Variants in LINGO1 observed in about 807,000 individuals in gnomAD.
LINGO1 encodes the protein leucine-rich repeat and immunoglobulin-like domain-containing nogo receptor-interacting protein 1.
Under a neutral mutation model 37.3 loss-of-function variants are expected in LINGO1, and 11 were observed. The ratio of observed to expected loss-of-function variants is 0.29; its 90% CI spans 0.19 to 0.49. The LOEUF (loss-of-function observed/expected upper bound fraction) is 0.49. Ranked by LOEUF, LINGO1 falls within the 20% of genes least tolerant of loss-of-function variation. The pLI, the probability that LINGO1 is intolerant of heterozygous loss-of-function variation, is 0.99. For missense variants in LINGO1, 585 were observed against 878.2 expected, an observed-to-expected ratio of 0.67 and a Z score of 4.22; for synonymous variants, 387 against 403.0, an observed-to-expected ratio of 0.96 and a Z score of 0.48.
intron 2 of LINGO1, among the ~76,000 whole-genome samples, chr15:77,689,803 C>T (rs2075572077): frequency 6.6e-6 from 1 of 152,170 alleles, no homozygotes; most frequent in African/African-American, 2.4e-5. Context: ...CAACAATACA[C>T]CCTTCTAAGT....
chr15:77,677,796 G>A (rs1295877599), intron 2 of LINGO1, among the ~76,000 whole-genome samples: 1 of 152,040 alleles, frequency 6.6e-6, no homozygotes, highest in African/African-American at 2.4e-5. Context: ...ATGGCCACAG[G>A]TGCTGTCTCC....
At chr15:77,740,012 G>A (rs1410931346) in intron 1 of LINGO1, among the ~76,000 whole-genome samples, 1 of 152,254 alleles carries the variant, frequency 6.6e-6, no homozygotes, top group Non-Finnish European at 1.5e-5. Flanking sequence ...GGGACCTAGG[G>A]GATCACCAAA....
intron 1 of LINGO1, among the ~76,000 whole-genome samples, chr15:77,765,181 G>A (rs1222528435): frequency 2.0e-5 from 3 of 152,246 alleles, no homozygotes; most frequent in Admixed American, 6.5e-5. Context: ...TTGGGAGGCC[G>A]AGGGGTGCAG....
At chr15:77,651,391 G>A (rs1022910954) in intron 3 of LINGO1, 2 of 152,186 alleles carry the variant, frequency 1.3e-5, no homozygotes, top group African/African-American at 4.8e-5. Context: ...ATAACAAATG[G>A]CGAAGTCAGT....
intron 2 of LINGO1, among the ~76,000 whole-genome samples, chr15:77,678,841 T>G (rs1393685371): frequency 2.0e-5 from 3 of 152,218 alleles, no homozygotes; most frequent in African/African-American, 2.4e-5. Context: ...TTAGACATTT[T>G]CAAAGTCAGT....
chr15:77,640,983 C>T (rs904808955), intron 3 of LINGO1, among the ~76,000 whole-genome samples: 1 of 152,206 alleles, frequency 6.6e-6, no homozygotes, highest in African/African-American at 2.4e-5. Flanking sequence ...GCTGCACACA[C>T]ACAGCAGGCA....
chr15:77,691,309 G>A (rs1287060542), intron 1 of LINGO1, among the ~76,000 whole-genome samples: 1 of 152,194 alleles, frequency 6.6e-6, no homozygotes, highest in African/African-American at 2.4e-5. Context: ...GAGAGGAGAA[G>A]GGATTTGCCC....
intron 1 of LINGO1, among the ~76,000 whole-genome samples, chr15:77,782,909 C>G (rs540838634): frequency 9.2e-5 from 14 of 152,140 alleles, no homozygotes; most frequent in Non-Finnish European, 1.5e-4. Context: ...TCCAGAGCAC[C>G]CCCCTGCTCC....
Position 77,807,024 on chromosome 15 carries a change from C to T in LINGO1, c.-457-10971G>A, listed in dbSNP as rs144109724. Among the ~76,000 whole-genome samples, 42 of 152,340 alleles carry T rather than the reference C, an allele frequency of 2.8e-4. No individual in the cohort carries two copies. In the East Asian group the frequency reaches 6.9e-3, roughly 25 times the overall value. ...TAGCTCAGGCCCATCTGGGCAGCCT[C>T]GGCTCCAGCCACACCCAGCTTCTCA... On this transcript the variant is annotated intron_variant, in intron 1 of 5. Coordinates refer to the LINGO1 transcript ENST00000562933.
chr15:77,693,875 C>A (rs796973752), intron 1 of LINGO1, among the ~76,000 whole-genome samples: 8 of 152,146 alleles, frequency 5.3e-5, no homozygotes, highest in African/African-American at 1.9e-4. Flanking sequence ...CACAACCAGA[C>A]CCCACCCCTC....
intron 1 of LINGO1, among the ~76,000 whole-genome samples, chr15:77,809,707 C>A (rs559011840): frequency 7.9e-5 from 12 of 152,312 alleles, no homozygotes; most frequent in African/African-American, 2.6e-4. Context: ...GGGTGAAGGA[C>A]CAACCTACAG....
chr15:77,622,380 A>ACGTT (rs2073949766), intron 1 of LINGO1, among the ~76,000 whole-genome samples: 1 of 152,124 alleles, frequency 6.6e-6, no homozygotes, highest in Non-Finnish European at 1.5e-5. Context: ...AGGCACAACT[A>ACGTT]CGTTCCCAGC....
At chr15:77,753,500 A>G (rs576930341) in intron 1 of LINGO1, among the ~76,000 whole-genome samples, 1 of 152,364 alleles carries the variant, frequency 6.6e-6, no homozygotes, top group South Asian at 2.1e-4. Flanking sequence ...TGGTGGGCAC[A>G]AAAGATGAAC....
intron 3 of LINGO1, among the ~76,000 whole-genome samples, chr15:77,651,080 C>G (rs2074749082): frequency 1.3e-5 from 2 of 152,058 alleles, no homozygotes; most frequent in Non-Finnish European, 2.9e-5. Context: ...GTAGCTATGG[C>G]AGATTCACGC....
chr15:77,616,479 C>T (rs886681550), intron 1 of LINGO1, among the ~76,000 whole-genome samples: 6 of 152,230 alleles, frequency 3.9e-5, no homozygotes, highest in East Asian at 1.9e-4. Flanking sequence ...AGACGCCATG[C>T]CCCCTCCCCA....
At chr15:77,678,435 C>A (rs1207899974) in intron 2 of LINGO1, among the ~76,000 whole-genome samples, 1 of 152,168 alleles carries the variant, frequency 6.6e-6, no homozygotes, top group Non-Finnish European at 1.5e-5. Context: ...CTAAACGTAG[C>A]CCTCTGAGTC....
chr15:77,676,794 C>T (rs886943539), intron 3 of LINGO1, among the ~76,000 whole-genome samples: 3 of 152,226 alleles, frequency 2.0e-5, no homozygotes, highest in African/African-American at 7.2e-5. Context: ...AGGACAGCAA[C>T]GCTGGGGTTG....
intron 1 of LINGO1, among the ~76,000 whole-genome samples, chr15:77,796,300 G>A (rs1332859443): frequency 4.6e-5 from 7 of 151,908 alleles, no homozygotes; most frequent in East Asian, 1.9e-4. Context: ...CCACATGTGC[G>A]TGCGGGCGTG....
intron 2 of LINGO1, among the ~76,000 whole-genome samples, chr15:77,712,824 T>C (rs974585650): frequency 3.3e-5 from 5 of 152,214 alleles, no homozygotes; most frequent in Non-Finnish European, 7.3e-5. Flanking sequence ...GGGGTCTCGC[T>C]GCTGTTAAAG....
Sources: gnomAD v4.1 joint callset for allele counts (sites outside exome capture counted in the v4.1 genomes callset) on GRCh38, gnomAD v4.1.1 for gene constraint, MANE v1.5 for transcripts, NCBI Gene and HGNC (gene_info 2026-07-23, HGNC 2026-07-21) for gene names.